Variants in GRIK2 observed in about 807,000 individuals in gnomAD.
GRIK2 encodes glutamate ionotropic receptor kainate type subunit 2, also known as glutamate receptor ionotropic, kainate 2.
A neutral mutation model predicts 100.3 loss-of-function variants in GRIK2; 32 were observed. The observed-to-expected ratio is 0.32, with a 90% CI of 0.24 to 0.43. The LOEUF (loss-of-function observed/expected upper bound fraction) is 0.43. GRIK2 is among the 20% of genes least tolerant of loss of function. The probability of loss-of-function intolerance (pLI) is 1.00; values close to 1 mark genes in which losing one functional copy is unlikely to be tolerated. For missense variants in GRIK2, 843 were observed against 1,114.9 expected (o/e 0.76, Z 3.47); for synonymous variants, 417 against 389.4 (o/e 1.07, Z -0.83).
intron 7 of GRIK2, among the ~76,000 whole-genome samples, chr6:101,759,877 ATTTTTAT>A (rs1234854898): frequency 0.019 from 2,521 of 132,042 alleles, 95 homozygotes; most frequent in African/African-American, 0.071. Context: ...ATTTATTTTT[ATTTTTAT>A]TTTTTTTTGA....
chr6:101,564,929 C>A (rs1166364525), intron 2 of GRIK2, among the ~76,000 whole-genome samples: 1 of 152,086 alleles, frequency 6.6e-6, no homozygotes, highest in East Asian at 1.9e-4. Flanking sequence ...GGGAATGGAG[C>A]CTCATGATTA....
chr6:101,822,384 G>T (rs1174212559), intron 10 of GRIK2, among the ~76,000 whole-genome samples: 1 of 151,882 alleles, frequency 6.6e-6, no homozygotes, highest in Non-Finnish European at 1.5e-5. Flanking sequence ...AGAATAGACA[G>T]CTGAGACTGA....
intron 14 of GRIK2, among the ~76,000 whole-genome samples, chr6:102,023,432 G>A (rs1461953882): frequency 6.6e-6 from 1 of 151,490 alleles, no homozygotes; most frequent in Non-Finnish European, 1.5e-5. Flanking sequence ...GATTCGCTGT[G>A]GCTTGTAGGG....
At chr6:101,617,309 C>A (rs905149074) in intron 2 of GRIK2, among the ~76,000 whole-genome samples, 1 of 151,818 alleles carries the variant, frequency 6.6e-6, no homozygotes, top group Non-Finnish European at 1.5e-5. Context: ...GCTATTCCCA[C>A]CACTAACATT....
chr6:101,678,804 C>G (rs1485973722), intron 5 of GRIK2, among the ~76,000 whole-genome samples: 1 of 152,100 alleles, frequency 6.6e-6, no homozygotes, highest in African/African-American at 2.4e-5. Flanking sequence ...AAATAAATGG[C>G]CTTAATCAGT....
At chr6:101,833,568 A>C (rs568021550) in intron 10 of GRIK2, among the ~76,000 whole-genome samples, 9 of 152,168 alleles carry the variant, frequency 5.9e-5, no homozygotes, top group Non-Finnish European at 1.0e-4. Flanking sequence ...TGCTCAAGAA[A>C]ACCTTTTATT....
At chr6:101,545,616 T>G (rs955539275) in intron 2 of GRIK2, among the ~76,000 whole-genome samples, 11 of 152,164 alleles carry the variant, frequency 7.2e-5, no homozygotes, top group African/African-American at 2.7e-4. Context: ...TTACAGAATA[T>G]GGAAATATAC....
At chr6:101,938,585 G>A (rs918416088) in intron 14 of GRIK2, among the ~76,000 whole-genome samples, 12 of 152,024 alleles carry the variant, frequency 7.9e-5, no homozygotes, top group African/African-American at 2.9e-4. Flanking sequence ...CTGTGGCAGT[G>A]CCTAGAATTG....
At chr6:101,828,978 A>G (rs990894906) in intron 10 of GRIK2, among the ~76,000 whole-genome samples, 1 of 152,022 alleles carries the variant, frequency 6.6e-6, no homozygotes, top group African/African-American at 2.4e-5. Context: ...ACTATAGGCC[A>G]ATATTCTTGA....
At chr6:101,845,374 C>A (rs2791829) in intron 10 of GRIK2, among the ~76,000 whole-genome samples, 139,577 of 152,162 alleles carry the variant, frequency 0.92, 64,187 homozygotes, top group East Asian at 0.98. Context: ...CTATGGTTTG[C>A]GTACTCTGGA....
intron 11 of GRIK2, among the ~76,000 whole-genome samples, chr6:101,889,092 T>C (rs1182661378): frequency 2.6e-5 from 4 of 152,060 alleles, no homozygotes; most frequent in Non-Finnish European, 5.9e-5. Context: ...AATTCAGAGG[T>C]AGTAAACAGA....
intron 9 of GRIK2, among the ~76,000 whole-genome samples, chr6:101,804,355 A>G (rs896902288): frequency 1.1e-4 from 16 of 152,158 alleles, no homozygotes; most frequent in Admixed American, 9.8e-4. Context: ...GCAGGGTATT[A>G]GAACACAATG....
intron 2 of GRIK2, among the ~76,000 whole-genome samples, chr6:101,611,967 A>G (rs1009403516): frequency 3.3e-5 from 5 of 151,930 alleles, no homozygotes; most frequent in South Asian, 2.1e-4. Flanking sequence ...GTTCAAAGAA[A>G]CAAAGTATTT....
chr6:102,068,298 T>C, intron 16 of GRIK2, 49 bp from the exon 17 acceptor site: 1 of 1,341,112 alleles, frequency 7.5e-7, no homozygotes, highest in Non-Finnish European at 1.1e-6. Flanking sequence ...CTTGGACAGT[T>C]ACAGTTTATG....
intron 14 of GRIK2, among the ~76,000 whole-genome samples, chr6:101,975,049 T>C (rs1793281770): frequency 6.6e-6 from 1 of 152,020 alleles, no homozygotes; most frequent in South Asian, 2.1e-4. Context: ...ATTTTGTTTC[T>C]TTCTTTTATA....
At chr6:101,956,000 G>A (rs1205469836) in intron 14 of GRIK2, among the ~76,000 whole-genome samples, 3 of 151,684 alleles carry the variant, frequency 2.0e-5, no homozygotes, top group East Asian at 3.9e-4. Context: ...TTGATATGAG[G>A]TCATTTTTCT....
intron 7 of GRIK2, among the ~76,000 whole-genome samples, chr6:101,774,990 T>C (rs1778653099): frequency 6.6e-6 from 1 of 152,158 alleles, no homozygotes; most frequent in Non-Finnish European, 1.5e-5. Flanking sequence ...TTGAACATCA[T>C]TCCTTATGAA....
chr6:101,419,493 C>T (rs1776312753), intron 2 of GRIK2, among the ~76,000 whole-genome samples: 1 of 152,180 alleles, frequency 6.6e-6, no homozygotes, highest in African/African-American at 2.4e-5. Flanking sequence ...ACAGTTCTGA[C>T]ATGTGAGGGT....
intron 14 of GRIK2, among the ~76,000 whole-genome samples, chr6:102,016,367 A>G (rs1213500668): frequency 6.6e-6 from 1 of 152,140 alleles, no homozygotes; most frequent in African/African-American, 2.4e-5. Flanking sequence ...TATTAACACC[A>G]GAATAGACCA....
Sources: gnomAD v4.1 joint callset for allele counts (sites outside exome capture counted in the v4.1 genomes callset) on GRCh38, gnomAD v4.1.1 for gene constraint, MANE v1.5 for transcripts, NCBI Gene and HGNC (gene_info 2026-07-23, HGNC 2026-07-21) for gene names.